Variants in C11orf65 observed in about 807,000 individuals in gnomAD.
C11orf65 encodes chromosome 11 open reading frame 65, also known as protein MFI.
A neutral mutation model predicts 35.3 loss-of-function variants in C11orf65; 38 were observed. The observed-to-expected ratio is 1.08, with a 90% CI of 0.83 to 1.41. The LOEUF (loss-of-function observed/expected upper bound fraction) is 1.41, where lower values mean the gene tolerates loss of function less well. Among genes scored for constraint, C11orf65 ranks in the 40% most tolerant of loss-of-function variants. The pLI is 0.00. For missense variants in C11orf65, 370 were observed against 367.1 expected, an observed-to-expected ratio of 1.01 and a Z score of -0.06; for synonymous variants, 105 against 114.4, an observed-to-expected ratio of 0.92 and a Z score of 0.53.
chr11:108,333,579 G>T (rs761198574), intron 3 of C11orf65, among the ~76,000 whole-genome samples: 3 of 152,204 alleles, frequency 2.0e-5, no homozygotes, highest in Non-Finnish European at 4.4e-5. Context: ...ACAGGAGTAT[G>T]TTATCTATGT....
chr11:108,405,264 A>G (rs1271599651), intron 6 of C11orf65, among the ~76,000 whole-genome samples, 165 bp downstream of exon 6: 6 of 152,312 alleles, frequency 3.9e-5, no homozygotes, highest in South Asian at 4.1e-4. Flanking sequence ...GCAAAACAGA[A>G]TATCTGTGTG....
chr11:108,439,361 G>T (rs1182483896), intron 2 of C11orf65, among the ~76,000 whole-genome samples: 1 of 152,178 alleles, frequency 6.6e-6, no homozygotes, highest in Admixed American at 6.5e-5. Flanking sequence ...AGAGCAACTG[G>T]AAACCTTGTG....
intron 3 of C11orf65, among the ~76,000 whole-genome samples, chr11:108,428,048 C>G (rs1565683059): frequency 1.3e-5 from 2 of 151,172 alleles, no homozygotes; most frequent in Admixed American, 6.6e-5. Context: ...CCGGGATGGT[C>G]TCGATCTCCT....
intron 2 of C11orf65, among the ~76,000 whole-genome samples, chr11:108,455,826 A>C (rs1182273640): frequency 6.1e-5 from 9 of 147,258 alleles, no homozygotes; most frequent in Non-Finnish European, 1.3e-4. Context: ...AAAAAAAAAA[A>C]AAAAAAAAAA....
At chr11:108,404,430 T>C (rs1164130237) in intron 6 of C11orf65, among the ~76,000 whole-genome samples, 1 of 152,024 alleles carries the variant, frequency 6.6e-6, no homozygotes, top group African/African-American at 2.4e-5. Context: ...TGTTTCGAGA[T>C]GGAGTCTCGC....
intron 7 of C11orf65, among the ~76,000 whole-genome samples, chr11:108,391,075 C>CT (rs1008249833): frequency 2.6e-5 from 4 of 152,084 alleles, no homozygotes; most frequent in East Asian, 3.9e-4. Context: ...CCTCTGGCTT[C>CT]TTTTTTTCAT....
At chr11:108,365,615 C>T in intron 2 of C11orf65, 1 of 1,353,958 alleles carries the variant, frequency 7.4e-7, no homozygotes, top group Non-Finnish European at 1.0e-6. Context: ...TTTAAGTGAA[C>T]TATTGTGGGT....
rs370508092 is a variant in C11orf65 at position 108,407,545 on chromosome 11, C to T, written c.175-396G>A. Reference sequence around the variant, plus strand: ...TATGTTGCCAAGCTGGTCTCGAATTCTTGGCCTCAAGTGATACTCCTGTCT... The same window carrying T: ...TATGTTGCCAAGCTGGTCTCGAATTTTTGGCCTCAAGTGATACTCCTGTCT... On this transcript the variant is annotated intron_variant, in intron 3 of 8. Coordinates refer to ENST00000393084, the MANE Select transcript of C11orf65 (RefSeq NM_152587.5). Among the ~76,000 whole-genome samples, 5 of 145,020 alleles carry T rather than the reference C, an allele frequency of 3.4e-5. No individual in the cohort carries two copies. The South Asian group carries it at 1.1e-3, about 31-fold the overall frequency.
At chr11:108,435,454 T>C (rs1242910771) in intron 2 of C11orf65, among the ~76,000 whole-genome samples, 1 of 152,196 alleles carries the variant, frequency 6.6e-6, no homozygotes, top group Non-Finnish European at 1.5e-5. Flanking sequence ...GGGGTGTTTT[T>C]TAGTAATACC....
chr11:108,337,761 A>G (rs1380705765), intron 2 of C11orf65, among the ~76,000 whole-genome samples: 1 of 152,262 alleles, frequency 6.6e-6, no homozygotes, highest in Non-Finnish European at 1.5e-5. Context: ...TGTGAATGAA[A>G]GGAAATTGTT....
intron 6 of C11orf65, among the ~76,000 whole-genome samples, chr11:108,313,441 T>G (rs1379850093): frequency 6.6e-6 from 1 of 152,206 alleles, no homozygotes; most frequent in South Asian, 2.1e-4. Context: ...TCCAGTAAAA[T>G]AGCACTTGCT....
intron 2 of C11orf65, among the ~76,000 whole-genome samples, chr11:108,447,523 C>A (rs1378060764): frequency 6.6e-6 from 1 of 152,118 alleles, no homozygotes; most frequent in Non-Finnish European, 1.5e-5. Context: ...ACAACCTGCT[C>A]CTGAATGACT....
chr11:108,316,834 G>A (rs1359934786), intron 6 of C11orf65, among the ~76,000 whole-genome samples: 1 of 151,738 alleles, frequency 6.6e-6, no homozygotes, highest in Non-Finnish European at 1.5e-5. Flanking sequence ...GCTGAGGCAG[G>A]AGAATGGCGT....
At chr11:108,339,219 G>A (rs1420661839) in intron 2 of C11orf65, among the ~76,000 whole-genome samples, 1 of 152,116 alleles carries the variant, frequency 6.6e-6, no homozygotes, top group African/African-American at 2.4e-5. Context: ...AAAGTATACT[G>A]AACAAGTCTA....
At chr11:108,331,999 A>G (rs1275218654) in intron 3 of C11orf65, 1 of 1,613,940 alleles carries the variant, frequency 6.2e-7, no homozygotes, top group African/African-American at 1.3e-5. Flanking sequence ...AAGCAGAATA[A>G]CTAAAAATGT....
In C11orf65 at chr11:108,335,007, A is replaced by G. The variant is rs1292192410; in HGVS notation, c.299+213T>C. ...GAGAATATGGAAATCTGGTGACTAT[A>G]CAGTCATTTAAAGCAGAATTTCGCT... On this transcript the variant is annotated intron_variant, in intron 3 of 3. Coordinates refer to the C11orf65 transcript ENST00000524755. The G allele has an allele frequency of 6.2e-7, 1 of 1,613,758 alleles. No individual in the cohort carries two copies. The highest frequency in any genetic ancestry group is 1.7e-5 in the Admixed American group (1 of 60,020).
At chr11:108,403,853 C>T (rs1032257400) in intron 6 of C11orf65, among the ~76,000 whole-genome samples, 9 of 152,146 alleles carry the variant, frequency 5.9e-5, no homozygotes, top group Non-Finnish European at 1.3e-4. Context: ...CTCGCTCTGT[C>T]GCCCAGGCTG....
chr11:108,361,793 TA>T (rs2090795526), intron 2 of C11orf65, among the ~76,000 whole-genome samples: 1 of 152,072 alleles, frequency 6.6e-6, no homozygotes, highest in African/African-American at 2.4e-5. Context: ...ATACAAAAAT[TA>T]ACTCAAGATG....
intron 8 of C11orf65, among the ~76,000 whole-genome samples, chr11:108,384,846 T>C (rs1323090032): frequency 6.6e-6 from 1 of 152,174 alleles, no homozygotes; most frequent in Non-Finnish European, 1.5e-5. Flanking sequence ...CTGCTTCTCC[T>C]ATCTGCTAGT....
Sources: allele counts gnomAD v4.1 joint callset (sites outside exome capture counted in the v4.1 genomes callset), GRCh38; gene constraint gnomAD v4.1.1; transcripts MANE v1.5; gene names NCBI Gene and HGNC (gene_info 2026-07-23, HGNC 2026-07-21).